The following FAM78A variants were observed in gnomAD, a reference collection of about 807,000 sequenced individuals.
FAM78A encodes family with sequence similarity 78 member A.
A neutral mutation model predicts 22.6 loss-of-function variants in FAM78A; 12 were observed. The ratio of observed to expected loss-of-function variants is 0.53; its 90% CI spans 0.34 to 0.86. The LOEUF (loss-of-function observed/expected upper bound fraction) is 0.86. Among genes scored for constraint, FAM78A ranks in the 40% least tolerant of loss-of-function variants. FAM78A has a pLI of 0.02. For missense variants in FAM78A, 322 were observed against 396.1 expected (o/e 0.81, Z 1.59); for synonymous variants, 151 against 155.8 (o/e 0.97, Z 0.23).
rs558670328 is a variant in FAM78A at position 131,274,717 on chromosome 9, A to C, written c.323+1140T>G. ...TTTACAGGTGGCCCATGAGATTCTT[A>C]AATCTGTGATAAGTTCCAGCTCCTG... On this transcript the variant is annotated intron_variant, in intron 1 of 1. Coordinates refer to ENST00000372271, the MANE Select transcript of FAM78A (RefSeq NM_033387.4). The surrounding 1 kb of genome is among the most constrained non-coding windows in gnomAD (Gnocchi z 4.2). 1.7e-4 allele frequency among the ~76,000 whole-genome samples: 26 copies of C among 152,324 alleles called. No individual in the cohort carries two copies. The highest frequency in any genetic ancestry group is 5.8e-4 in the African/African-American group (24 of 41,570).
In FAM78A at chr9:131,272,740, G is replaced by A. The variant is rs1412110750; in HGVS notation, c.323+3117C>T. Reference sequence around the variant, plus strand: ...GAGGTCAGGAGTTCGAGACCATCCTGGCCAACGCGGTGAAACCCCGTCTCT... The same window carrying A: ...GAGGTCAGGAGTTCGAGACCATCCTAGCCAACGCGGTGAAACCCCGTCTCT... On this transcript the variant is annotated intron_variant, in intron 1 of 1. Coordinates refer to ENST00000372271, the MANE Select transcript of FAM78A (RefSeq NM_033387.4). This position sits in a 1 kb window ranked among gnomAD's most constrained non-coding sequence, Gnocchi z 4.1. Among the ~76,000 whole-genome samples, 2 of 152,130 alleles carry A rather than the reference G, an allele frequency of 1.3e-5. No individual in the cohort carries two copies. Among genetic ancestry groups the A allele is most frequent in the African/African-American group, 4.8e-5 (2 of 41,408 alleles).
chr9:131,271,301 TAAC>T (rs1849580066), intron 1 of FAM78A, among the ~76,000 whole-genome samples: 1 of 152,188 alleles, frequency 6.6e-6, no homozygotes, highest in Non-Finnish European at 1.5e-5. Context: ...AGGGATAATG[TAAC>T]AACAGCAACG....
In FAM78A at chr9:131,261,299, G is replaced by A. The variant is rs781391622; in HGVS notation, c.375C>T (p.Ser125=). 20 of 1,604,058 alleles carry A rather than the reference G, an allele frequency of 1.2e-5. No homozygotes were observed. Among genetic ancestry groups the A allele is most frequent in the Admixed American group, 3.3e-5 (2 of 59,816 alleles). ...DLQEGKIQAI[S]DSDGVNYPWY... ...AGGGGTAGTTCACCCCATCCGAGTC[G>A]CTGATGGCTTGGATCTTGCCCTCCT... The change falls in exon 2 of 2, where the codon AGC becomes AGT. Residue 125 remains serine, a synonymous_variant. Transcript: ENST00000372271. This position sits in a 1 kb window ranked among gnomAD's most constrained non-coding sequence, Gnocchi z 7.1.
At position 131,272,358 on chromosome 9, in the gene FAM78A, C is replaced by T. The variant is rs1388121123; in HGVS notation, c.323+3499G>A. The stretch of plus-strand genomic sequence containing the variant: ...CCCTCCTGGGGACATCAGGCCCTCC[C>T]TGGGGACATTATTGACTGTCACAGC... On this transcript the variant is annotated intron_variant, in intron 1 of 1. Coordinates refer to ENST00000372271, the MANE Select transcript of FAM78A (RefSeq NM_033387.4). This position sits in a 1 kb window ranked among gnomAD's most constrained non-coding sequence, Gnocchi z 4.1. Among the ~76,000 whole-genome samples the T allele has an allele frequency of 3.3e-5, 5 of 152,198 alleles. No individual in the cohort carries two copies. Among genetic ancestry groups the T allele is most frequent in the Non-Finnish European group, 7.3e-5 (5 of 68,034 alleles).
chr9:131,280,309 C>T (rs565246917), upstream of FAM78A, among the ~76,000 whole-genome samples: 2 of 152,356 alleles, frequency 1.3e-5, no homozygotes, highest in South Asian at 2.1e-4. Context: ...CACAGCCCTT[C>T]CTCCTGCTCG....
At position 131,272,467 on chromosome 9, in the gene FAM78A, C is replaced by T. The variant is rs1338532189; in HGVS notation, c.323+3390G>A. Among the ~76,000 whole-genome samples the T allele has an allele frequency of 6.6e-6, 1 of 152,212 alleles. No individual in the cohort carries two copies. Among genetic ancestry groups the T allele is most frequent in the African/African-American group, 2.4e-5 (1 of 41,448 alleles). ...CTACCATGCACAGGACACCCCCCAC[C>T]AGCACAGACAGAATTACCTGACCCT... On this transcript the variant is annotated intron_variant, in intron 1 of 1. Transcript: ENST00000372271. The surrounding 1 kb of genome is among the most constrained non-coding windows in gnomAD (Gnocchi z 4.1).
intron 1 of FAM78A, among the ~76,000 whole-genome samples, chr9:131,269,756 C>T (rs1305998403): frequency 2.6e-5 from 4 of 152,114 alleles, no homozygotes; most frequent in Admixed American, 1.3e-4. Context: ...GGATTATAGG[C>T]GTGAGCCACC....
At position 131,270,999 on chromosome 9, in the gene FAM78A, G is replaced by GCCTTTTTTTTTTTTTTTTTT. The variant is rs1311041330; in HGVS notation, c.323+4857_323+4858insAAAAAAAAAAAAAAAAAAGG. Among the ~76,000 whole-genome samples the GCCTTTTTTTTTTTTTTTTTT allele has an allele frequency of 5.3e-5, 7 of 131,964 alleles. 3 individuals are homozygous for GCCTTTTTTTTTTTTTTTTTT. Among genetic ancestry groups the GCCTTTTTTTTTTTTTTTTTT allele is most frequent in the Non-Finnish European group, 3.2e-5 (2 of 62,988 alleles). The allele number at this position is 131,964 out of a possible 152,430, so 86.6% of individuals were successfully genotyped here. ...ACCCCTGCCCTGTCCTTTCCCACCA[G>GCCTTTTTTTTTTTTTTTTTT]TCTTTTTTTTTTTTTTTTTTTTTTG... On this transcript the variant is annotated intron_variant, in intron 1 of 1. Transcript: ENST00000372271.
At chr9:131,273,423 G>A (rs1230802282) in intron 1 of FAM78A, among the ~76,000 whole-genome samples, 2 of 152,268 alleles carry the variant, frequency 1.3e-5, no homozygotes, top group Non-Finnish European at 2.9e-5. Context: ...CAGGGAGAAT[G>A]AGCTGGGTGG....
At chr9:131,263,909 AG>A (rs1045384001) in intron 1 of FAM78A, 5 of 152,328 alleles carry the variant, frequency 3.3e-5, no homozygotes, top group South Asian at 2.1e-4. Flanking sequence ...GGAAGTACCC[AG>A]CAATTCCTAA....
chr9:131,266,375 C>G (rs537326481), intron 1 of FAM78A, among the ~76,000 whole-genome samples: 2 of 152,210 alleles, frequency 1.3e-5, no homozygotes, highest in Non-Finnish European at 2.9e-5. Context: ...TGTACACACA[C>G]GCCCTCCCTG....
chr9:131,270,330 G>A (rs756192828), intron 1 of FAM78A: 26 of 717,470 alleles, frequency 3.6e-5, no homozygotes, highest in South Asian at 5.9e-5. Context: ...AGGTGAAGAC[G>A]CTTCCTTCCC....
chr9:131,271,468 A>G (rs1835421091), intron 1 of FAM78A, among the ~76,000 whole-genome samples: 1 of 152,220 alleles, frequency 6.6e-6, no homozygotes. Context: ...TCACAAGCCT[A>G]TGAGAGAAGA....
intron 1 of FAM78A, among the ~76,000 whole-genome samples, chr9:131,267,226 T>C (rs1157445852): frequency 1.3e-5 from 2 of 152,138 alleles, no homozygotes; most frequent in Non-Finnish European, 2.9e-5. Flanking sequence ...TCGCAAGCTG[T>C]TGAGATGAGC....
chr9:131,264,701 A>G (rs1226460807), intron 1 of FAM78A: 1 of 674,210 alleles, frequency 1.5e-6, no homozygotes, highest in African/African-American at 1.8e-5. Context: ...CCAAAGCCCT[A>G]ATTTGACCTG....
intron 1 of FAM78A, chr9:131,270,563 C>T (rs990209111): frequency 2.8e-6 from 2 of 711,998 alleles, no homozygotes; most frequent in Admixed American, 2.0e-5. Context: ...GCTGGGTCAT[C>T]CCCCCTACTT....
Position 131,275,772 on chromosome 9 carries a change from C to A in FAM78A, c.323+85G>T. On this transcript the variant is annotated intron_variant, in intron 1 of 1. Transcript: ENST00000372271. This position sits in a 1 kb window ranked among gnomAD's most constrained non-coding sequence, Gnocchi z 4.6. The stretch of plus-strand genomic sequence containing the variant: ...CGTCCTGTCTTCATGGTATCTCCAC[C>A]TTCCCCCTATCCGCGGCCCCCCACC... 1 of 1,403,512 alleles carries A rather than the reference C, an allele frequency of 7.1e-7. No individual in the cohort carries two copies. The highest frequency in any genetic ancestry group is 9.6e-7 in the Non-Finnish European group (1 of 1,041,476). 86.9% of individuals were successfully genotyped at this position (1,403,512 alleles called of 1,614,324 possible). A position where few individuals can be genotyped will look rare whatever the true frequency, so the allele number is the denominator to read the frequency against.
Position 131,270,373 on chromosome 9 carries a change from G to A in FAM78A, c.323+5484C>T, listed in dbSNP as rs1437642627. On this transcript the variant is annotated intron_variant, in intron 1 of 1. Transcript: ENST00000372271. ...CTGGGCACGACTGATCTTTTTCAAT[G>A]CACCCAACTCCAATCAGCAAAACAA... 2.0e-5 allele frequency: 14 copies of A among 717,404 alleles called. No individual in the cohort carries two copies. The East Asian group carries it at 3.8e-4, about 19-fold the overall frequency. The allele number at this position is 717,404 out of a possible 1,614,324, so 44.4% of individuals were successfully genotyped here.
At chr9:131,266,518 C>T (rs920362311) in intron 1 of FAM78A, among the ~76,000 whole-genome samples, 13 of 152,010 alleles carry the variant, frequency 8.6e-5, no homozygotes, top group African/African-American at 3.1e-4. Context: ...TTTCCTCCTC[C>T]TCCCCCCCAC....
Sources: allele counts gnomAD v4.1 joint callset (sites outside exome capture counted in the v4.1 genomes callset), GRCh38; gene constraint gnomAD v4.1.1; non-coding constraint Gnocchi (gnomAD v3.1); transcripts MANE v1.5; gene names NCBI Gene and HGNC (gene_info 2026-07-23, HGNC 2026-07-21).